ZNF407: variants seen among roughly 807,000 people sequenced by gnomAD.
ZNF407 encodes zinc finger protein 407.
In ZNF407, 17 loss-of-function variants were observed where a neutral mutation model predicts 131.2. The observed-to-expected ratio is 0.13, with a 90% CI of 0.09 to 0.19. ZNF407 has a LOEUF of 0.19. Ranked by LOEUF, ZNF407 falls within the 10% of genes least tolerant of loss-of-function variation. ZNF407 has a pLI of 1.00. For missense variants in ZNF407, 2,681 were observed against 2,830.6 expected (o/e 0.95, Z 1.20); for synonymous variants, 1,156 against 1,062.0 (o/e 1.09, Z -1.72).
At chr18:75,025,742 AAT>A in intron 8 of ZNF407, among the ~76,000 whole-genome samples, 1 of 152,180 alleles carries the variant, frequency 6.6e-6, no homozygotes. Context: ...ACTTACTCAG[AAT>A]AGTATGATGA....
chr18:74,727,620 G>A (rs955576991), intron 3 of ZNF407, among the ~76,000 whole-genome samples: 9 of 152,148 alleles, frequency 5.9e-5, no homozygotes, highest in South Asian at 2.1e-4. Flanking sequence ...TTGCATTTTC[G>A]TTACTTTTCA....
intron 8 of ZNF407, among the ~76,000 whole-genome samples, chr18:74,994,238 T>C (rs1972752325): frequency 7.1e-6 from 1 of 141,670 alleles, no homozygotes; most frequent in South Asian, 2.2e-4. Context: ...CCCAAATGGC[T>C]CATAAAAAAA....
At chr18:74,756,747 T>G (rs868572819) in intron 3 of ZNF407, among the ~76,000 whole-genome samples, 57 of 294 alleles carry the variant, frequency 0.19, no homozygotes, top group Admixed American at 0.25. Context: ...TTGTAGAAGG[T>G]TTTTTTGACT....
At chr18:74,617,962 C>T (rs1389807891) in intron 1 of ZNF407, among the ~76,000 whole-genome samples, 1 of 152,164 alleles carries the variant, frequency 6.6e-6, no homozygotes, top group Admixed American at 6.5e-5. Context: ...TGCCCCTCAG[C>T]CTTCTGCTAC....
At chr18:74,837,401 C>T (rs1251099636) in intron 4 of ZNF407, among the ~76,000 whole-genome samples, 2 of 150,932 alleles carry the variant, frequency 1.3e-5, no homozygotes, top group Non-Finnish European at 2.9e-5. Flanking sequence ...GTGAGGCTTA[C>T]ATTAAAAAAA....
intron 3 of ZNF407, among the ~76,000 whole-genome samples, chr18:74,676,686 G>T (rs988933464): frequency 5.3e-5 from 8 of 151,748 alleles, no homozygotes; most frequent in South Asian, 4.2e-4. Context: ...TGCCCGCCTT[G>T]GCCTCCCAGA....
At chr18:74,947,936 T>G (rs1972171838) in intron 8 of ZNF407, among the ~76,000 whole-genome samples, 1 of 152,246 alleles carries the variant, frequency 6.6e-6, no homozygotes, top group African/African-American at 2.4e-5. Context: ...AGAAAAGTGC[T>G]GTAAATTCAC....
At chr18:74,798,283 T>C (rs1013810505) in intron 4 of ZNF407, among the ~76,000 whole-genome samples, 1 of 151,810 alleles carries the variant, frequency 6.6e-6, no homozygotes, top group African/African-American at 2.4e-5. Flanking sequence ...AAATTGTTGA[T>C]TTTTTTAATT....
intron 4 of ZNF407, among the ~76,000 whole-genome samples, chr18:74,810,690 A>C (rs192465204): frequency 8.0e-4 from 122 of 152,316 alleles, no homozygotes; most frequent in African/African-American, 2.8e-3. Context: ...TTTCAGAAAT[A>C]TCGCCGCATA....
At chr18:74,609,614 C>G (rs1437270566) in intron 1 of ZNF407, among the ~76,000 whole-genome samples, 1 of 152,112 alleles carries the variant, frequency 6.6e-6, no homozygotes, top group East Asian at 1.9e-4. Flanking sequence ...TGAGAGAATG[C>G]GAAGGCCTAG....
chr18:75,038,840 C>T (rs564486986), intron 8 of ZNF407, among the ~76,000 whole-genome samples: 1 of 152,316 alleles, frequency 6.6e-6, no homozygotes, highest in East Asian at 1.9e-4. Context: ...TGTAAAAATC[C>T]TAAGCAGTTT....
At chr18:74,992,236 ATAAT>A (rs1439848019) in intron 8 of ZNF407, among the ~76,000 whole-genome samples, 1 of 152,244 alleles carries the variant, frequency 6.6e-6, no homozygotes, top group Non-Finnish European at 1.5e-5. Context: ...GGCATAGTAA[ATAAT>A]TACATTCCTT....
chr18:74,676,743 T>A (rs185010805), intron 3 of ZNF407, among the ~76,000 whole-genome samples: 97 of 152,208 alleles, frequency 6.4e-4, no homozygotes, highest in African/African-American at 2.1e-3. Context: ...CAGTATTTTT[T>A]AAAAATAATG....
chr18:74,979,227 G>A (rs1972561166), intron 8 of ZNF407, among the ~76,000 whole-genome samples: 1 of 152,228 alleles, frequency 6.6e-6, no homozygotes, highest in South Asian at 2.1e-4. Flanking sequence ...TATACATTGT[G>A]AGCTTGGCAG....
At chr18:74,662,515 A>G (rs991254813) in intron 3 of ZNF407, among the ~76,000 whole-genome samples, 1 of 152,224 alleles carries the variant, frequency 6.6e-6, no homozygotes. Context: ...GGTTTTAGCT[A>G]GGCTGTATAT....
At chr18:75,033,994 C>G (rs909055972) in intron 8 of ZNF407, among the ~76,000 whole-genome samples, 1 of 152,144 alleles carries the variant, frequency 6.6e-6, no homozygotes, top group African/African-American at 2.4e-5. Context: ...ATGGCAAGAG[C>G]TATAATGACT....
chr18:74,843,310 A>G (rs1179506698), intron 4 of ZNF407, among the ~76,000 whole-genome samples: 1 of 152,208 alleles, frequency 6.6e-6, no homozygotes, highest in Non-Finnish European at 1.5e-5. Context: ...TAAACTTTCT[A>G]TATTTCTAGA....
intron 2 of ZNF407, among the ~76,000 whole-genome samples, chr18:74,636,514 A>T (rs566551362): frequency 6.6e-6 from 1 of 152,332 alleles, no homozygotes; most frequent in East Asian, 1.9e-4. Flanking sequence ...TTATGAGTGG[A>T]TTTGAATAAT....
At position 74,980,462 on chromosome 18, in the gene ZNF407, C is replaced by T. The variant is rs541852116; in HGVS notation, c.5428+59770C>T. ...TGGGATACAGGCACCCACTACCACG[C>T]CCGGCTAATTTTTTTGTATTTTAAT... On this transcript the variant is annotated intron_variant, in intron 8 of 8. Coordinates refer to ENST00000299687, the MANE Select transcript of ZNF407 (RefSeq NM_017757.3). Among the ~76,000 whole-genome samples the T allele has an allele frequency of 5.9e-5, 9 of 152,062 alleles. No individual in the cohort carries two copies. The East Asian group carries it at 1.7e-3, about 29-fold the overall frequency.
Sources: gnomAD v4.1 joint callset for allele counts (sites outside exome capture counted in the v4.1 genomes callset) on GRCh38, gnomAD v4.1.1 for gene constraint, MANE v1.5 for transcripts, NCBI Gene and HGNC (gene_info 2026-07-23, HGNC 2026-07-21) for gene names.